Variants in LDB2 observed in about 807,000 individuals in gnomAD.
The protein encoded by LDB2 is LIM domain binding 2.
LDB2 carries 12 observed loss-of-function variants against 44.3 expected under a neutral mutation model. The observed-to-expected ratio is 0.27, with a 90% CI of 0.17 to 0.44. The LOEUF is 0.44. Among genes scored for constraint, LDB2 ranks in the 20% least tolerant of loss-of-function variants. The pLI, the probability that LDB2 is intolerant of heterozygous loss-of-function variation, is 1.00. For synonymous variants in LDB2, 164 were observed against 174.8 expected (o/e 0.94, Z 0.49); for missense variants, 344 against 473.5 (o/e 0.73, Z 2.54).
At chr4:16,560,462 T>C (rs938023775) in intron 5 of LDB2, among the ~76,000 whole-genome samples, 3 of 151,818 alleles carry the variant, frequency 2.0e-5, no homozygotes, top group South Asian at 2.1e-4. Flanking sequence ...AACTAGAAAA[T>C]CTAGAAGAAA....
chr4:16,782,204 C>T (rs563836015), intron 1 of LDB2, among the ~76,000 whole-genome samples: 5 of 152,252 alleles, frequency 3.3e-5, no homozygotes, highest in Admixed American at 6.5e-5. Context: ...CACATCAGGC[C>T]GCAATGCTGC....
intron 1 of LDB2, among the ~76,000 whole-genome samples, chr4:16,858,293 G>A (rs1789778079): frequency 6.6e-6 from 1 of 152,174 alleles, no homozygotes; most frequent in South Asian, 2.1e-4. Flanking sequence ...TAAAGAATGG[G>A]CAGGCATGGT....
intron 2 of LDB2, among the ~76,000 whole-genome samples, chr4:16,672,743 T>C (rs1179083170): frequency 6.6e-6 from 1 of 151,964 alleles, no homozygotes; most frequent in Non-Finnish European, 1.5e-5. Flanking sequence ...TCACAAACAA[T>C]AGCAATCCTC....
rs540999591 is a variant in LDB2, at chr4:16,511,276, C to T, written c.739+705G>A. Among the ~76,000 whole-genome samples, 46 of 152,206 alleles carry T rather than the reference C, an allele frequency of 3.0e-4. 2 individuals are homozygous for T. In the South Asian group the frequency reaches 7.9e-3, roughly 26 times the overall value. ...TTTATGATGAATGAGGCTCAACACA[C>T]GCCTGGGAGTGAAAGTATATTAGAT... On this transcript the variant is annotated intron_variant, in intron 6 of 7. Transcript: ENST00000304523.
intron 2 of LDB2, among the ~76,000 whole-genome samples, chr4:16,625,915 G>A (rs1730166229): frequency 6.6e-6 from 1 of 152,050 alleles, no homozygotes; most frequent in Non-Finnish European, 1.5e-5. Context: ...AGTAAGAATG[G>A]TCTTCTTACT....
In LDB2 at chr4:16,837,826, A is replaced by G. The variant is rs142353388; in HGVS notation, c.132+60528T>C. On this transcript the variant is annotated intron_variant, in intron 1 of 7. Coordinates refer to ENST00000304523, the MANE Select transcript of LDB2 (RefSeq NM_001290.5). ...TAAAATGGTGGTTGTTTCAAGCACTAAACTTTGGTATGATATGTTAGGCAG... is the reference window on the plus strand; with the variant it reads ...TAAAATGGTGGTTGTTTCAAGCACTGAACTTTGGTATGATATGTTAGGCAG... 2.1e-3 allele frequency among the ~76,000 whole-genome samples: 319 copies of G among 152,352 alleles called. 5 individuals are homozygous for G. The East Asian group carries it at 0.037, about 18-fold the overall frequency.
intron 1 of LDB2, among the ~76,000 whole-genome samples, chr4:16,850,982 G>T (rs1244086785): frequency 6.6e-6 from 1 of 151,672 alleles, no homozygotes; most frequent in African/African-American, 2.4e-5. Context: ...GTGTGTATTG[G>T]GGAGTGGGAG....
At chr4:16,854,281 G>A (rs968972888) in intron 1 of LDB2, among the ~76,000 whole-genome samples, 5 of 151,662 alleles carry the variant, frequency 3.3e-5, no homozygotes, top group Non-Finnish European at 2.9e-5. Flanking sequence ...ACACAATAAA[G>A]TTTACTTTTA....
chr4:16,705,484 C>T (rs1754397855), intron 2 of LDB2, among the ~76,000 whole-genome samples: 2 of 152,128 alleles, frequency 1.3e-5, no homozygotes, highest in Non-Finnish European at 2.9e-5. Flanking sequence ...GTGAGAACAA[C>T]ATGACCTAAA....
At chr4:16,562,667 AG>A (rs1168071977) in intron 5 of LDB2, among the ~76,000 whole-genome samples, 1 of 152,248 alleles carries the variant, frequency 6.6e-6, no homozygotes, top group African/African-American at 2.4e-5. Context: ...GCCATTCCTC[AG>A]GGATCTAGAA....
At chr4:16,749,581 T>TAAAAATA (rs1561091814) in intron 2 of LDB2, among the ~76,000 whole-genome samples, 2 of 123,718 alleles carry the variant, frequency 1.6e-5, no homozygotes, top group Admixed American at 8.0e-5. Flanking sequence ...AATAAAAAAA[T>TAAAAATA]AAAAAAAAAT....
In LDB2 at chr4:16,693,168, G is replaced by A. The variant is rs77218919; in HGVS notation, c.235+65990C>T. Among the ~76,000 whole-genome samples, 1,188 of 152,204 alleles carry A rather than the reference G, an allele frequency of 7.8e-3. 12 individuals carry two copies. Among genetic ancestry groups the A allele is most frequent in the African/African-American group, 0.027 (1,120 of 41,518 alleles). On this transcript the variant is annotated intron_variant, in intron 2 of 7. Transcript: ENST00000304523. ...AGATACACAAGGAGTGAGTCTCTAA[G>A]AATACAGTGTGAATCAAAGGCCTTT...
intron 5 of LDB2, among the ~76,000 whole-genome samples, chr4:16,534,186 C>A (rs74864985): frequency 3.9e-5 from 6 of 152,154 alleles, no homozygotes; most frequent in Non-Finnish European, 8.8e-5. Context: ...GGGAGGAAAC[C>A]CATTTTAAAG....
At chr4:16,777,440 GATGCTC>G (rs200166716) in intron 1 of LDB2, among the ~76,000 whole-genome samples, 1,561 of 152,226 alleles carry the variant, frequency 0.01, 27 homozygotes, top group African/African-American at 0.034. Context: ...CTGAAAGGAA[GATGCTC>G]ATCCAGGCAT....
chr4:16,842,269 G>A (rs1786033696), intron 1 of LDB2, among the ~76,000 whole-genome samples: 2 of 152,252 alleles, frequency 1.3e-5, no homozygotes, highest in Admixed American at 1.3e-4. Context: ...TCCTGACCTT[G>A]AAGAGGCTTG....
chr4:16,874,598 C>G (rs1233206382), intron 1 of LDB2, among the ~76,000 whole-genome samples: 2 of 152,182 alleles, frequency 1.3e-5, no homozygotes, highest in East Asian at 3.9e-4. Flanking sequence ...GCGCATCCAA[C>G]AAGATTCGCT....
chr4:16,891,118 TATACTC>T (rs1723228671), intron 1 of LDB2, among the ~76,000 whole-genome samples: 1 of 152,070 alleles, frequency 6.6e-6, no homozygotes, highest in African/African-American at 2.4e-5. Context: ...AGATAGCTTT[TATACTC>T]ATTCACTACT....
intron 1 of LDB2, among the ~76,000 whole-genome samples, chr4:16,861,724 G>T (rs1351146493): frequency 6.6e-6 from 1 of 152,164 alleles, no homozygotes; most frequent in Non-Finnish European, 1.5e-5. Context: ...CCACGAGTCA[G>T]CTAGGTCCTG....
chr4:16,634,017 A>G (rs1732817583), intron 2 of LDB2, among the ~76,000 whole-genome samples: 1 of 152,192 alleles, frequency 6.6e-6, no homozygotes. Flanking sequence ...TGGGGAAAAC[A>G]TGCTCTATTT....
Sources: allele counts gnomAD v4.1 joint callset (sites outside exome capture counted in the v4.1 genomes callset), GRCh38; gene constraint gnomAD v4.1.1; transcripts MANE v1.5; gene names NCBI Gene and HGNC (gene_info 2026-07-23, HGNC 2026-07-21).